Variants in RHOB observed in about 807,000 individuals in gnomAD.
RHOB encodes the protein rho-related GTP-binding protein RhoB.
Under a neutral mutation model 12.9 loss-of-function variants are expected in RHOB, and 6 were observed. The ratio of observed to expected loss-of-function variants is 0.47; its 90% CI spans 0.25 to 0.92. The LOEUF is 0.92. Among genes scored for constraint, RHOB ranks in the 40% least tolerant of loss-of-function variants. The pLI, the probability that RHOB is intolerant of heterozygous loss-of-function variation, is 0.16. For missense variants in RHOB, 142 were observed against 277.9 expected (o/e 0.51, Z 3.48); for synonymous variants, 168 against 122.1 (o/e 1.38, Z -2.48).
Position 20,447,579 on chromosome 2 carries a change from C to T in RHOB, c.114C>T (p.Val38=). The T allele has an allele frequency of 6.2e-7, 1 of 1,614,156 alleles. No homozygotes were observed. Among genetic ancestry groups the T allele is most frequent in the East Asian group, 2.2e-5 (1 of 44,880 alleles). The change falls in exon 1 of 1, where the codon GTC becomes GTT. Residue 38 remains valine (V), a synonymous_variant. Coordinates refer to ENST00000272233, the MANE Select transcript of RHOB (RefSeq NM_004040.4). ...DEFPEVYVPT[V]FENYVADIEV... ...TCCCCGAGGTGTACGTGCCCACCGT[C>T]TTCGAGAACTATGTGGCCGACATTG...
rs766444400 is a variant in RHOB, at chr2:20,447,844, G to A, written c.379G>A (p.Val127Ile). ...AAAAGACCTGCGCAGCGACGAGCAT[G>A]TCCGCACAGAGCTGGCCCGCATGAA... Reference protein sequence around the residue: ...NKKDLRSDEHVRTELARMKQE... With the variant: ...NKKDLRSDEHIRTELARMKQE... The change falls in exon 1 of 1, where the codon GTC becomes ATC. Residue 127 changes from valine (V) to isoleucine (I), a missense_variant. Around this residue, in one of 2 missense-constraint regions of RHOB, gnomAD observed 113 missense variants for 166.3 expected, o/e 0.68. Coordinates refer to ENST00000272233, the MANE Select transcript of RHOB (RefSeq NM_004040.4). The A allele has an allele frequency of 6.2e-7, 1 of 1,613,770 alleles. No homozygotes were observed. Among genetic ancestry groups the A allele is most frequent in the Non-Finnish European group, 8.5e-7 (1 of 1,180,040 alleles).
Position 20,448,230 on chromosome 2 carries a change from C to T in RHOB, c.*174C>T. 1 of 635,514 alleles carries T rather than the reference C, an allele frequency of 1.6e-6. No homozygotes were observed. The allele number at this position is 635,514 out of a possible 1,614,324, so 39.4% of individuals were successfully genotyped here. On this transcript the variant is annotated 3_prime_UTR_variant, in exon 1 of 1. Coordinates refer to ENST00000272233, the MANE Select transcript of RHOB (RefSeq NM_004040.4). The stretch of plus-strand genomic sequence containing the variant: ...GGACTTGGCGTGGGCACCGGGCGCC[C>T]CCATCCCAGTGTCTGTGTGCGTCCA...
At position 20,447,409 on chromosome 2, in the gene RHOB, C is replaced by A. The variant is rs868576524; in HGVS notation, c.-57C>A. The A allele has an allele frequency of 1.4e-6, 2 of 1,390,326 alleles. No individual in the cohort carries two copies. Among genetic ancestry groups the A allele is most frequent in the Non-Finnish European group, 2.0e-6 (2 of 1,021,030 alleles). 86.1% of individuals were successfully genotyped at this position (1,390,326 alleles called of 1,614,324 possible). A position where few individuals can be genotyped will look rare whatever the true frequency, so the allele number is the denominator to read the frequency against. ...CCCGAGGTGAGCAGTGAGCGGCGAG[C>A]GGGAGGGCAGCGAGGCGTTCGCGGG... On this transcript the variant is annotated 5_prime_UTR_variant, in exon 1 of 1. Transcript: ENST00000272233.
chr2:20,448,083 G>A lies in RHOB; in HGVS notation c.*27G>A. The A allele has an allele frequency of 2.6e-6, 4 of 1,568,270 alleles. No individual in the cohort carries two copies. The highest frequency in any genetic ancestry group is 3.5e-6 in the Non-Finnish European group (4 of 1,149,922). ...GGCCGCGCCCGTCGCGCCTGCCCCT[G>A]CCGGCACGGCTCCCCCTCCTGGACC... On this transcript the variant is annotated 3_prime_UTR_variant, in exon 1 of 1. Coordinates refer to ENST00000272233, the MANE Select transcript of RHOB (RefSeq NM_004040.4).
Position 20,448,143 on chromosome 2 carries a change from G to A in RHOB, c.*87G>A. On this transcript the variant is annotated 3_prime_UTR_variant, in exon 1 of 1. Coordinates refer to ENST00000272233, the MANE Select transcript of RHOB (RefSeq NM_004040.4). The stretch of plus-strand genomic sequence containing the variant: ...CGAGCCCGGAGAAGGGGAGACCCGT[G>A]TCCCACAAGGACCCCACCGGCCTGC... 4 of 1,183,322 alleles carry A rather than the reference G, an allele frequency of 3.4e-6. No individual in the cohort carries two copies. Among genetic ancestry groups the A allele is most frequent in the Non-Finnish European group, 3.6e-6 (3 of 843,330 alleles). The allele number at this position is 1,183,322 out of a possible 1,614,324, so 73.3% of individuals were successfully genotyped here.
At position 20,448,051 on chromosome 2, in the gene RHOB, C is replaced by T. The variant is rs769084741; in HGVS notation, c.586C>T (p.Leu196=). The part of the protein sequence containing the change: ...QNGCINCCKV[L] ...CGGCTGCATCAACTGCTGCAAGGTG[C>T]TATGAGGGCCGCGCCCGTCGCGCCT... The change falls in exon 1 of 1, where the codon CTA becomes TTA. Residue 196 remains leucine, a synonymous_variant. Transcript: ENST00000272233. The T allele has an allele frequency of 4.4e-6, 7 of 1,605,620 alleles. No homozygotes were observed. In the African/African-American group the frequency reaches 8.0e-5, roughly 18 times the overall value.
In RHOB at chr2:20,448,260, T is replaced by G; in HGVS notation, c.*204T>G. On this transcript the variant is annotated 3_prime_UTR_variant, in exon 1 of 1. Coordinates refer to ENST00000272233, the MANE Select transcript of RHOB (RefSeq NM_004040.4). ...CCCAGTGTCTGTGTGCGTCCAGCTG[T>G]GTTGCACAGGCCTGGGCTCCCCACT... The G allele has an allele frequency of 3.3e-6, 2 of 612,596 alleles. No homozygotes were observed. Among genetic ancestry groups the G allele is most frequent in the Non-Finnish European group, 5.9e-6 (2 of 336,640 alleles). 37.9% of individuals were successfully genotyped at this position (612,596 alleles called of 1,614,324 possible).
chr2:20,448,323 G>T lies in RHOB; in HGVS notation c.*267G>T. 1.9e-6 allele frequency: 1 copy of T among 515,638 alleles called. No homozygotes were observed. The highest frequency in any genetic ancestry group is 1.9e-5 in the African/African-American group (1 of 51,288). The allele number at this position is 515,638 out of a possible 1,614,324, so 31.9% of individuals were successfully genotyped here. On this transcript the variant is annotated 3_prime_UTR_variant, in exon 1 of 1. Transcript: ENST00000272233. ...TCCCCTGAGCATGCTTTTCTGAAGA[G>T]CCGGGCCTCAGAGTGTGTGGCTGTG...
At position 20,447,966 on chromosome 2, in the gene RHOB, G is replaced by C. The variant is rs1205782275; in HGVS notation, c.501G>C (p.Val167=). The change falls in exon 1 of 1, where the codon GTG becomes GTC. Residue 167 remains valine (V), a synonymous_variant. Coordinates refer to ENST00000272233, the MANE Select transcript of RHOB (RefSeq NM_004040.4). The part of the protein sequence containing the change: ...LECSAKTKEG[V]REVFETATRA... ...GCTCTGCCAAGACCAAGGAAGGCGT[G>C]CGCGAGGTCTTCGAGACGGCCACGC... 6.2e-7 allele frequency: 1 copy of C among 1,613,022 alleles called. No individual in the cohort carries two copies. Among genetic ancestry groups the C allele is most frequent in the Admixed American group, 1.7e-5 (1 of 60,034 alleles).
In RHOB at chr2:20,449,250, C is replaced by T. The variant is rs1402863687; in HGVS notation, c.*1194C>T. On this transcript the variant is annotated 3_prime_UTR_variant, in exon 1 of 1. Coordinates refer to ENST00000272233, the MANE Select transcript of RHOB (RefSeq NM_004040.4). ...ACCTCTGTACAGAGAATACACCTGC[C>T]CCTGTATATCCTTTTTTCCCCTCCC... is the stretch of plus-strand genomic sequence containing the variant. 1.8e-5 allele frequency: 3 copies of T among 166,906 alleles called. No homozygotes were observed. The highest frequency in any genetic ancestry group is 6.5e-5 in the Admixed American group (1 of 15,272). The allele number at this position is 166,906 out of a possible 1,614,324, so 10.3% of individuals were successfully genotyped here. A position where few individuals can be genotyped will look rare whatever the true frequency, so the allele number is the denominator to read the frequency against.
At position 20,447,872 on chromosome 2, in the gene RHOB, A is replaced by G; in HGVS notation, c.407A>G (p.Gln136Arg). 1 of 1,613,494 alleles carries G rather than the reference A, an allele frequency of 6.2e-7. No homozygotes were observed. The highest frequency in any genetic ancestry group is 8.5e-7 in the Non-Finnish European group (1 of 1,180,022). ...HVRTELARMK[Q>R]EPVRTDDGRA... Reference sequence around the variant, plus strand: ...CGCACAGAGCTGGCCCGCATGAAGCAGGAACCCGTGCGCACGGATGACGGC... The same window carrying G: ...CGCACAGAGCTGGCCCGCATGAAGCGGGAACCCGTGCGCACGGATGACGGC... Residue 136 changes from glutamine (Q) to arginine (R), a missense_variant, in exon 1 of 1, where the codon CAG becomes CGG. Gln to Arg is a conservative substitution (Grantham distance 43, BLOSUM62 1). This residue lies in a region of RHOB where 113 missense variants were observed against 166.3 expected (regional missense o/e 0.68). Coordinates refer to ENST00000272233, the MANE Select transcript of RHOB (RefSeq NM_004040.4).
rs1691019038 is a variant in RHOB, at chr2:20,447,399, G to A, written c.-67G>A. The A allele has an allele frequency of 6.1e-6, 8 of 1,321,028 alleles. No homozygotes were observed. Among genetic ancestry groups the A allele is most frequent in the African/African-American group, 1.5e-5 (1 of 68,330 alleles). 81.8% of individuals were successfully genotyped at this position (1,321,028 alleles called of 1,614,324 possible). A position where few individuals can be genotyped will look rare whatever the true frequency, so the allele number is the denominator to read the frequency against. On this transcript the variant is annotated 5_prime_UTR_variant, in exon 1 of 1. Transcript: ENST00000272233. Reference sequence around the variant, plus strand: ...CTGCGCGCAGCCCGAGGTGAGCAGTGAGCGGCGAGCGGGAGGGCAGCGAGG... The same window carrying A: ...CTGCGCGCAGCCCGAGGTGAGCAGTAAGCGGCGAGCGGGAGGGCAGCGAGG...
rs767483023 is a variant in RHOB, at chr2:20,447,975, C to T, written c.510C>T (p.Val170=). The change falls in exon 1 of 1, where the codon GTC becomes GTT. Residue 170 remains valine (V), a synonymous_variant. Transcript: ENST00000272233. ...AGACCAAGGAAGGCGTGCGCGAGGT[C>T]TTCGAGACGGCCACGCGCGCCGCGC... ...SAKTKEGVRE[V]FETATRAALQ... 1.9e-6 allele frequency: 3 copies of T among 1,612,964 alleles called. No individual in the cohort carries two copies. The highest frequency in any genetic ancestry group is 1.7e-5 in the Admixed American group (1 of 60,028).
chr2:20,447,235 A>G lies in RHOB; in HGVS notation c.-231A>G. 1 of 376,558 alleles carries G rather than the reference A, an allele frequency of 2.7e-6. No individual in the cohort carries two copies. The highest frequency in any genetic ancestry group is 4.2e-5 in the East Asian group (1 of 23,650). 23.3% of individuals were successfully genotyped at this position (376,558 alleles called of 1,614,324 possible). A position where few individuals can be genotyped will look rare whatever the true frequency, so the allele number is the denominator to read the frequency against. ...CCGGCCTGGGGTGAGCAGAGCGACC[A>G]CCGCCCGGGAGCAGCGCGGCGAGAC... is the stretch of plus-strand genomic sequence containing the variant. On this transcript the variant is annotated 5_prime_UTR_variant, in exon 1 of 1. Coordinates refer to ENST00000272233, the MANE Select transcript of RHOB (RefSeq NM_004040.4).
rs1278038121 is a variant in RHOB, at chr2:20,448,939, A to G, written c.*883A>G. The G allele has an allele frequency of 6.0e-6, 1 of 167,148 alleles. No individual in the cohort carries two copies. Among genetic ancestry groups the G allele is most frequent in the Non-Finnish European group, 1.5e-5 (1 of 68,128 alleles). The allele number at this position is 167,148 out of a possible 1,614,324, so 10.4% of individuals were successfully genotyped here. On this transcript the variant is annotated 3_prime_UTR_variant, in exon 1 of 1. Transcript: ENST00000272233. ...TTGCACAATTGTTTCATTGTTTGAC[A>G]CTTAATGCACTCGTCATTTGCATAC... is the stretch of plus-strand genomic sequence containing the variant.
At position 20,448,116 on chromosome 2, in the gene RHOB, C is replaced by T. The variant is rs989654946; in HGVS notation, c.*60C>T. 3 of 1,435,386 alleles carry T rather than the reference C, an allele frequency of 2.1e-6. No individual in the cohort carries two copies. Among genetic ancestry groups the T allele is most frequent in the African/African-American group, 1.4e-5 (1 of 70,936 alleles). 88.9% of individuals were successfully genotyped at this position (1,435,386 alleles called of 1,614,324 possible). On this transcript the variant is annotated 3_prime_UTR_variant, in exon 1 of 1. Transcript: ENST00000272233. ...GGCTCCCCCTCCTGGACCAGTCCCC[C>T]GCGAGCCCGGAGAAGGGGAGACCCG...
chr2:20,448,162 G>A lies in RHOB; in HGVS notation c.*106G>A, dbSNP rs1197177858. On this transcript the variant is annotated 3_prime_UTR_variant, in exon 1 of 1. Transcript: ENST00000272233. The stretch of plus-strand genomic sequence containing the variant: ...ACCCGTGTCCCACAAGGACCCCACC[G>A]GCCTGCCTGGCATCTGTCTGCTGAC... The A allele has an allele frequency of 1.4e-5, 14 of 1,002,100 alleles. No homozygotes were observed. Among genetic ancestry groups the A allele is most frequent in the Admixed American group, 2.8e-5 (1 of 35,562 alleles). The allele number at this position is 1,002,100 out of a possible 1,614,324, so 62.1% of individuals were successfully genotyped here.
In RHOB at chr2:20,447,498, G is replaced by A. The variant is rs1392057747; in HGVS notation, c.33G>A (p.Val11=). The A allele has an allele frequency of 6.2e-7, 1 of 1,612,892 alleles. No individual in the cohort carries two copies. The highest frequency in any genetic ancestry group is 1.3e-5 in the African/African-American group (1 of 74,946). ...CCATCCGCAAGAAGCTGGTGGTGGT[G>A]GGCGACGGCGCGTGTGGCAAGACGT... is the stretch of plus-strand genomic sequence containing the variant. MAAIRKKLVV[V]GDGACGKTCL... Residue 11 remains valine, a synonymous_variant, in exon 1 of 1, where the codon GTG becomes GTA. Transcript: ENST00000272233.
rs938595473 is a variant in RHOB at position 20,448,208 on chromosome 2, C to G, written c.*152C>G. On this transcript the variant is annotated 3_prime_UTR_variant, in exon 1 of 1. Coordinates refer to ENST00000272233, the MANE Select transcript of RHOB (RefSeq NM_004040.4). ...CTGACGCCTCTGGCTTGCGCCAGGA[C>G]TTGGCGTGGGCACCGGGCGCCCCCA... 3 of 717,046 alleles carry G rather than the reference C, an allele frequency of 4.2e-6. No individual in the cohort carries two copies. The highest frequency in any genetic ancestry group is 1.8e-5 in the African/African-American group (1 of 55,726). 44.4% of individuals were successfully genotyped at this position (717,046 alleles called of 1,614,324 possible).
Sources: gnomAD v4.1 joint callset for allele counts on GRCh38, gnomAD v4.1.1 for gene constraint, gnomAD v4.1.1 regional missense constraint, MANE v1.5 for transcripts, NCBI Gene and HGNC (gene_info 2026-07-23, HGNC 2026-07-21) for gene names.